ARPC5L: variants seen among roughly 807,000 people sequenced by gnomAD.
ARPC5L encodes the protein actin-related protein 2/3 complex subunit 5-like protein.
A neutral mutation model predicts 16.9 loss-of-function variants in ARPC5L; 4 were observed. That is an observed-to-expected ratio of 0.24 (90% confidence interval 0.12 to 0.54). ARPC5L has a LOEUF of 0.54. Among genes scored for constraint, ARPC5L ranks in the 20% least tolerant of loss-of-function variants. ARPC5L has a pLI of 0.95. For synonymous variants in ARPC5L, 78 were observed against 82.6 expected, an observed-to-expected ratio of 0.94 and a Z score of 0.30; for missense variants, 151 against 201.9, an observed-to-expected ratio of 0.75 and a Z score of 1.53.
chr9:124,870,265 C>T lies in ARPC5L; in HGVS notation c.149+826C>T, dbSNP rs2131334639. On this transcript the variant is annotated intron_variant, in intron 3 of 5. Coordinates refer to ENST00000353214, the MANE Select transcript of ARPC5L (RefSeq NM_030978.3). ...TGACTGTTCTTGTGGCCACAGAAAA[C>T]AGCATTTAGAAAAGATTAAAAATAG... is the stretch of plus-strand genomic sequence containing the variant. 1.3e-5 allele frequency among the ~76,000 whole-genome samples: 2 copies of T among 152,296 alleles called. 1 individual carries two copies. Among genetic ancestry groups the T allele is most frequent in the South Asian group, 4.1e-4 (2 of 4,832 alleles).
rs1041533860 is a variant in ARPC5L, at chr9:124,869,136, G to A, written c.-155G>A. 4 of 916,756 alleles carry A rather than the reference G, an allele frequency of 4.4e-6. No individual in the cohort carries two copies. The highest frequency in any genetic ancestry group is 8.8e-5 in the Admixed American group (2 of 22,726). 56.8% of individuals were successfully genotyped at this position (916,756 alleles called of 1,614,324 possible). A position where few individuals can be genotyped will look rare whatever the true frequency, so the allele number is the denominator to read the frequency against. On this transcript the variant is annotated 5_prime_UTR_variant, in exon 3 of 6. Transcript: ENST00000353214. ...CCGGATCCGGCGGGTGCCGGAAGTG[G>A]GCGGGCGGCGGCGGCTGCGCGCGGA...
chr9:124,868,151 G>A (rs762706977), intron 2 of ARPC5L, among the ~76,000 whole-genome samples: 1 of 152,050 alleles, frequency 6.6e-6, no homozygotes, highest in Non-Finnish European at 1.5e-5. Flanking sequence ...CGAAGATAAG[G>A]TTGCATCATA....
At chr9:124,870,000 G>T (rs572587543) in intron 3 of ARPC5L, among the ~76,000 whole-genome samples, 1 of 152,254 alleles carries the variant, frequency 6.6e-6, no homozygotes, top group Non-Finnish European at 1.5e-5. Context: ...TCAGCCCTGG[G>T]GTCTGAGATT....
At chr9:124,870,529 C>T (rs1019862453) in intron 3 of ARPC5L, among the ~76,000 whole-genome samples, 2 of 152,152 alleles carry the variant, frequency 1.3e-5, no homozygotes, top group African/African-American at 2.4e-5. Context: ...CCCGGCAGTG[C>T]TCCTGAGTGT....
rs1033159476 is a variant in ARPC5L at position 124,877,195 on chromosome 9, C to T, written c.*255C>T. The T allele has an allele frequency of 1.1e-5, 5 of 437,292 alleles. No homozygotes were observed. Among genetic ancestry groups the T allele is most frequent in the African/African-American group, 4.1e-5 (2 of 48,246 alleles). 27.1% of individuals were successfully genotyped at this position (437,292 alleles called of 1,614,324 possible). Reference sequence around the variant, plus strand: ...ACATTTTGACGGTCTACCAGCGTGGCGGCTGGTGTTGGTCAGATGCACCTG... The same window carrying T: ...ACATTTTGACGGTCTACCAGCGTGGTGGCTGGTGTTGGTCAGATGCACCTG... On this transcript the variant is annotated 3_prime_UTR_variant, in exon 6 of 6. Transcript: ENST00000353214.
At chr9:124,870,514 G>A (rs934702163) in intron 3 of ARPC5L, among the ~76,000 whole-genome samples, 25 of 152,164 alleles carry the variant, frequency 1.6e-4, no homozygotes, top group Non-Finnish European at 1.5e-4. Flanking sequence ...CTGCTTTAGG[G>A]GGAGCCCGGC....
chr9:124,868,974 G>T lies in ARPC5L; in HGVS notation c.-317G>T. The T allele has an allele frequency of 3.7e-6, 1 of 266,678 alleles. No individual in the cohort carries two copies. The allele number at this position is 266,678 out of a possible 1,614,324, so 16.5% of individuals were successfully genotyped here. A position where few individuals can be genotyped will look rare whatever the true frequency, so the allele number is the denominator to read the frequency against. On this transcript the variant is annotated 5_prime_UTR_variant, in exon 3 of 6. Transcript: ENST00000353214. ...GCAGTTACGGCACACACGAGGCGGG[G>T]CCTGCACAGATGCCGGGCGCCCGAT...
In ARPC5L at chr9:124,876,986, C is replaced by A; in HGVS notation, c.*46C>A. On this transcript the variant is annotated 3_prime_UTR_variant, in exon 6 of 6. Coordinates refer to ENST00000353214, the MANE Select transcript of ARPC5L (RefSeq NM_030978.3). ...TTACCTTGAGAAGAATTCTGGATGCCCAGGCTGGTGAAGAAGGGATTGACA... is the reference window on the plus strand; with the variant it reads ...TTACCTTGAGAAGAATTCTGGATGCACAGGCTGGTGAAGAAGGGATTGACA... The A allele has an allele frequency of 6.6e-7, 1 of 1,519,436 alleles. No homozygotes were observed. Among genetic ancestry groups the A allele is most frequent in the Non-Finnish European group, 9.0e-7 (1 of 1,110,072 alleles). 94.1% of individuals were successfully genotyped at this position (1,519,436 alleles called of 1,614,324 possible).
Position 124,877,175 on chromosome 9 carries a change from T to C in ARPC5L, c.*235T>C. Reference sequence around the variant, plus strand: ...CTCCGAGTACTGCAGAACTGACATTTTGACGGTCTACCAGCGTGGCGGCTG... The same window carrying C: ...CTCCGAGTACTGCAGAACTGACATTCTGACGGTCTACCAGCGTGGCGGCTG... On this transcript the variant is annotated 3_prime_UTR_variant, in exon 6 of 6. Coordinates refer to ENST00000353214, the MANE Select transcript of ARPC5L (RefSeq NM_030978.3). 2.0e-6 allele frequency: 1 copy of C among 494,436 alleles called. No individual in the cohort carries two copies. The highest frequency in any genetic ancestry group is 2.0e-5 in the African/African-American group (1 of 49,810). 30.6% of individuals were successfully genotyped at this position (494,436 alleles called of 1,614,324 possible).
At position 124,875,082 on chromosome 9, in the gene ARPC5L, G is replaced by A. The variant is rs375633350; in HGVS notation, c.330G>A (p.Lys110=). 101 of 1,614,150 alleles carry A rather than the reference G, an allele frequency of 6.3e-5. No homozygotes were observed. The highest frequency in any genetic ancestry group is 8.3e-5 in the Non-Finnish European group (98 of 1,179,980). ...GAAACGGCGTTGACTTGTTAATGAAGTACATTTATAAAGGCTTTGAGAAGC... is the reference window on the plus strand; with the variant it reads ...GAAACGGCGTTGACTTGTTAATGAAATACATTTATAAAGGCTTTGAGAAGC... ...LDRNGVDLLM[K]YIYKGFEKPT... Residue 110 remains lysine (K), a synonymous_variant, in exon 5 of 6, where the codon AAG becomes AAA. Coordinates refer to ENST00000353214, the MANE Select transcript of ARPC5L (RefSeq NM_030978.3).
Position 124,869,205 on chromosome 9 carries a change from GC to G in ARPC5L, c.-81del, listed in dbSNP as rs1829316663. The G allele has an allele frequency of 1.5e-6, 2 of 1,329,574 alleles. No individual in the cohort carries two copies. Among genetic ancestry groups the G allele is most frequent in the Non-Finnish European group, 1.9e-6 (2 of 1,032,022 alleles). 82.4% of individuals were successfully genotyped at this position (1,329,574 alleles called of 1,614,324 possible). On this transcript the variant is annotated 5_prime_UTR_variant, in exon 3 of 6. Transcript: ENST00000353214. ...GGGAGCAGCCGGGCAGCCGCTTCCC[GC>G]CCCCGAGCAGGAGCCGGTGCGAGCG...
intron 4 of ARPC5L, among the ~76,000 whole-genome samples, 162 bp downstream of exon 4, chr9:124,873,926 C>T (rs1327603056): frequency 6.6e-6 from 1 of 151,730 alleles, no homozygotes; most frequent in Non-Finnish European, 1.5e-5. Context: ...GGTGAGGCTT[C>T]TCTGACATCA....
intron 3 of ARPC5L, among the ~76,000 whole-genome samples, chr9:124,871,123 T>C (rs902862416): frequency 4.6e-5 from 7 of 152,084 alleles, no homozygotes; most frequent in African/African-American, 1.7e-4. Context: ...TATTAGACCA[T>C]TGAGGACAGG....
intron 2 of ARPC5L, among the ~76,000 whole-genome samples, chr9:124,865,719 G>C (rs956473207): frequency 3.3e-5 from 5 of 151,406 alleles, no homozygotes; most frequent in Admixed American, 2.6e-4. Flanking sequence ...CTTCAACCCA[G>C]GGGGCAGAGG....
chr9:124,870,826 GA>G (rs2131335195), intron 3 of ARPC5L, among the ~76,000 whole-genome samples: 1 of 152,328 alleles, frequency 6.6e-6, no homozygotes, highest in South Asian at 2.1e-4. Context: ...TCTGGGTGCA[GA>G]ACCTTGTTGA....
chr9:124,876,075 C>T (rs1829429947), intron 5 of ARPC5L, among the ~76,000 whole-genome samples: 1 of 152,126 alleles, frequency 6.6e-6, no homozygotes, highest in Admixed American at 6.6e-5. Flanking sequence ...GGGCGGCAGT[C>T]AGTGGGCTTG....
At chr9:124,876,293 C>T (rs1354623537) in intron 5 of ARPC5L, among the ~76,000 whole-genome samples, 3 of 152,060 alleles carry the variant, frequency 2.0e-5, no homozygotes, top group Non-Finnish European at 4.4e-5. Flanking sequence ...TCAAGACCAG[C>T]CTGGGCAACA....
intron 2 of ARPC5L, among the ~76,000 whole-genome samples, chr9:124,865,190 G>C (rs577794131): frequency 4.5e-4 from 68 of 150,508 alleles, no homozygotes; most frequent in Non-Finnish European, 8.4e-4. Context: ...CGTGGTGCAC[G>C]CCTGTAATCC....
rs528023609 is a variant in ARPC5L at position 124,869,523 on chromosome 9, G to A, written c.149+84G>A. ...CCCACCTTCTCGGGCCCTTTCGGGC[G>A]GGCCTCCCCTGTCTCCGACCCTTGG... On this transcript the variant is annotated intron_variant, in intron 3 of 5. Coordinates refer to ENST00000353214, the MANE Select transcript of ARPC5L (RefSeq NM_030978.3). 7.2e-6 allele frequency: 10 copies of A among 1,392,296 alleles called. No individual in the cohort carries two copies. In the South Asian group the frequency reaches 1.4e-4, roughly 20 times the overall value. 86.2% of individuals were successfully genotyped at this position (1,392,296 alleles called of 1,614,324 possible). A position where few individuals can be genotyped will look rare whatever the true frequency, so the allele number is the denominator to read the frequency against.
Sources: gnomAD v4.1 joint callset for allele counts (sites outside exome capture counted in the v4.1 genomes callset) on GRCh38, gnomAD v4.1.1 for gene constraint, MANE v1.5 for transcripts, NCBI Gene and HGNC (gene_info 2026-07-23, HGNC 2026-07-21) for gene names.